The following MRAP2 variants were observed in gnomAD, a reference collection of about 807,000 sequenced individuals.
MRAP2 encodes the protein melanocortin 2 receptor accessory protein 2, also known as melanocortin-2 receptor accessory protein 2.
Under a neutral mutation model 17.4 loss-of-function variants are expected in MRAP2, and 20 were observed. That is an observed-to-expected ratio of 1.15 (90% confidence interval 0.81 to 1.67). MRAP2 has a LOEUF of 1.67. Among genes scored for constraint, MRAP2 ranks in the 40% most tolerant of loss-of-function variants. MRAP2 has a pLI of 0.00. For missense variants in MRAP2, 238 were observed against 240.0 expected (o/e 0.99, Z 0.05); for synonymous variants, 96 against 88.4 (o/e 1.09, Z -0.48).
chr6:84,067,475 T>G lies in MRAP2; in HGVS notation c.227+4483T>G, dbSNP rs778357725. ...TCTCCACACTGTTTCCCATAGTGGC[T>G]GTACTAGTTTACATTCTACACCAGC... On this transcript the variant is annotated intron_variant, in intron 3 of 3. Coordinates refer to ENST00000257776, the MANE Select transcript of MRAP2 (RefSeq NM_138409.4). Among the ~76,000 whole-genome samples the G allele has an allele frequency of 4.4e-4, 67 of 152,236 alleles. 1 individual carries two copies. Among genetic ancestry groups the G allele is most frequent in the Non-Finnish European group, 8.2e-4 (56 of 68,034 alleles).
Position 84,041,802 on chromosome 6 carries a change from A to G in MRAP2, c.-8+7919A>G, listed in dbSNP as rs142573179. On this transcript the variant is annotated intron_variant, in intron 1 of 3. Coordinates refer to ENST00000257776, the MANE Select transcript of MRAP2 (RefSeq NM_138409.4). ...CCCCATTGTATCTAGGAAGTAACTA[A>G]CTTGTTTTTTATTTTACAGACTGAT... Among the ~76,000 whole-genome samples the G allele has an allele frequency of 6.0e-3, 907 of 152,270 alleles. 7 individuals are homozygous for G. Among genetic ancestry groups the G allele is most frequent in the African/African-American group, 0.021 (870 of 41,552 alleles).
At chr6:84,105,509 C>T in the MRAP2 span, among the ~76,000 whole-genome samples, 1 of 152,132 alleles carries the variant, frequency 6.6e-6, no homozygotes, top group East Asian at 1.9e-4. Flanking sequence ...GAAAGACTTG[C>T]CCCCATGATT....
the MRAP2 span, among the ~76,000 whole-genome samples, chr6:84,136,396 CAG>C: frequency 2.1e-4 from 32 of 152,136 alleles, no homozygotes; most frequent in African/African-American, 7.2e-4. Context: ...GGTGATGAGA[CAG>C]AGAGGGAATG....
intron 3 of MRAP2, among the ~76,000 whole-genome samples, chr6:84,085,612 T>A (rs1236921820): frequency 1.3e-5 from 2 of 152,116 alleles, no homozygotes; most frequent in African/African-American, 4.8e-5. Context: ...GCCAAATCAT[T>A]TACACACATG....
intron 2 of MRAP2, chr6:84,061,796 G>A: frequency 2.0e-6 from 2 of 985,440 alleles, no homozygotes; most frequent in Non-Finnish European, 2.4e-6. Context: ...AATGACAGTA[G>A]CCAGCACCTG....
At chr6:84,113,619 C>T in the MRAP2 span, among the ~76,000 whole-genome samples, 34 of 148,664 alleles carry the variant, frequency 2.3e-4, no homozygotes, top group Middle Eastern at 3.4e-3. Context: ...GAATTTGATC[C>T]TGTCATTATG....
At chr6:84,052,780 A>G (rs1379510541) in intron 1 of MRAP2, 1 of 984,784 alleles carries the variant, frequency 1.0e-6, no homozygotes. Flanking sequence ...AACCTCCTGT[A>G]GGCTGGCTCT....
At chr6:84,071,664 C>T (rs1227505104) in intron 3 of MRAP2, among the ~76,000 whole-genome samples, 2 of 152,084 alleles carry the variant, frequency 1.3e-5, no homozygotes, top group Non-Finnish European at 2.9e-5. Context: ...TGATTATTTC[C>T]CCAAATGTGT....
At chr6:84,128,552 T>C in the MRAP2 span, among the ~76,000 whole-genome samples, 1 of 152,138 alleles carries the variant, frequency 6.6e-6, no homozygotes, top group African/African-American at 2.4e-5. Flanking sequence ...TAAGCCACCA[T>C]ATAGAAGTTA....
At chr6:84,048,296 A>G (rs1369202481) in intron 1 of MRAP2, among the ~76,000 whole-genome samples, 2 of 152,116 alleles carry the variant, frequency 1.3e-5, no homozygotes, top group Admixed American at 1.3e-4. Flanking sequence ...CTGATTTTTG[A>G]TAATTGCCAT....
At chr6:84,072,058 C>G (rs1050145143) in intron 3 of MRAP2, among the ~76,000 whole-genome samples, 3 of 152,188 alleles carry the variant, frequency 2.0e-5, no homozygotes, top group Non-Finnish European at 4.4e-5. Flanking sequence ...ACTAACCTCC[C>G]AAATTCTTTT....
At chr6:84,069,164 C>T (rs1016153552) in intron 3 of MRAP2, among the ~76,000 whole-genome samples, 2 of 151,912 alleles carry the variant, frequency 1.3e-5, no homozygotes, top group Non-Finnish European at 2.9e-5. Context: ...GAGTAGGCAT[C>T]CTTGTCTTGT....
chr6:84,038,035 T>C (rs1202696401), intron 1 of MRAP2, among the ~76,000 whole-genome samples: 1 of 152,202 alleles, frequency 6.6e-6, no homozygotes, highest in Non-Finnish European at 1.5e-5. Context: ...CATGTGCTTC[T>C]TGCATTTGGG....
the MRAP2 span, among the ~76,000 whole-genome samples, chr6:84,122,270 G>A: frequency 7.2e-6 from 1 of 138,810 alleles, no homozygotes; most frequent in Non-Finnish European, 1.5e-5. Context: ...GAAAAAAAGA[G>A]AACTGCAGGC....
the MRAP2 span, among the ~76,000 whole-genome samples, chr6:84,101,458 C>A: frequency 6.6e-6 from 1 of 152,128 alleles, no homozygotes; most frequent in African/African-American, 2.4e-5. Context: ...TTTCCCATCC[C>A]ACTCAGGCAT....
At chr6:84,098,567 A>G in the MRAP2 span, among the ~76,000 whole-genome samples, 1 of 152,140 alleles carries the variant, frequency 6.6e-6, no homozygotes, top group African/African-American at 2.4e-5. Context: ...AAATGGTTGT[A>G]TGATTTTAAC....
chr6:84,045,592 G>A (rs545006106), intron 1 of MRAP2, among the ~76,000 whole-genome samples: 11 of 152,018 alleles, frequency 7.2e-5, no homozygotes, highest in East Asian at 1.9e-4. Context: ...GTGAAACCCC[G>A]TCTCTCCTAA....
chr6:84,081,541 G>GGGCA (rs560044693), intron 3 of MRAP2, among the ~76,000 whole-genome samples: 59 of 152,324 alleles, frequency 3.9e-4, no homozygotes, highest in Middle Eastern at 6.8e-3. Flanking sequence ...TTCCTTGGCT[G>GGGCA]GGCACAGTGG....
At chr6:84,034,470 GCCGCCCCACCCCGCAAC>G in intron 1 of MRAP2, among the ~76,000 whole-genome samples, 1 of 128,364 alleles carries the variant, frequency 7.8e-6, no homozygotes, top group Non-Finnish European at 1.6e-5. Context: ...CACTTTCCCC[GCCGCCCCACCCCGCAAC>G]CCGCCCCCGC....
Sources: gnomAD v4.1 joint callset for allele counts (sites outside exome capture counted in the v4.1 genomes callset) on GRCh38, gnomAD v4.1.1 for gene constraint, MANE v1.5 for transcripts, NCBI Gene and HGNC (gene_info 2026-07-23, HGNC 2026-07-21) for gene names.